The following BABAM1 variants were observed in gnomAD, a reference collection of about 807,000 sequenced individuals.
BABAM1 encodes BRISC and BRCA1-A complex member 1.
Under a neutral mutation model 34.4 loss-of-function variants are expected in BABAM1, and 14 were observed. The observed-to-expected ratio is 0.41, with a 90% confidence interval of 0.27 to 0.64. The LOEUF (loss-of-function observed/expected upper bound fraction) is 0.64, where lower values mean the gene tolerates loss of function less well. Ranked by LOEUF, BABAM1 falls within the 30% of genes least tolerant of loss-of-function variation. BABAM1 has a pLI of 0.34. For synonymous variants in BABAM1, 169 were observed against 165.8 expected, an observed-to-expected ratio of 1.02 and a Z score of -0.15; for missense variants, 393 against 434.0, an observed-to-expected ratio of 0.91 and a Z score of 0.84.
At chr19:17,270,724 G>C (rs151137798) in intron 2 of BABAM1, among the ~76,000 whole-genome samples, 1,526 of 150,336 alleles carry the variant, frequency 0.01, 31 homozygotes, top group African/African-American at 0.036. Flanking sequence ...GTCTCGCTCT[G>C]TCGCCCAGGC....
chr19:17,270,902 G>C (rs2073833198), intron 2 of BABAM1, among the ~76,000 whole-genome samples: 1 of 151,798 alleles, frequency 6.6e-6, no homozygotes, highest in African/African-American at 2.4e-5. Flanking sequence ...CTGTTAGCCA[G>C]GATGGTCTCG....
At position 17,268,816 on chromosome 19, in the gene BABAM1, G is replaced by T; in HGVS notation, c.10G>T (p.Ala4Ser). ...TAGCCACACAGGAGCCATGGAAGTGGCAGAGCCCAGCAGCCCCACTGAAGA... is the reference window on the plus strand; with the variant it reads ...TAGCCACACAGGAGCCATGGAAGTGTCAGAGCCCAGCAGCCCCACTGAAGA... MEV[A>S]EPSSPTEEEE... Residue 4 changes from alanine (A) to serine (S), a missense_variant, in exon 2 of 9, where the codon GCA becomes TCA. Coordinates refer to ENST00000598188, the MANE Select transcript of BABAM1 (RefSeq NM_014173.4). The T allele has an allele frequency of 1.2e-6, 2 of 1,603,476 alleles. No homozygotes were observed. The highest frequency in any genetic ancestry group is 2.7e-5 in the African/African-American group (2 of 74,886).
chr19:17,277,202 C>CT (rs10532887), intron 8 of BABAM1: 454 of 176,934 alleles, frequency 2.6e-3, no homozygotes, highest in East Asian at 0.02. Flanking sequence ...CTTTCTTCTT[C>CT]TTTTTTTTTT....
At chr19:17,275,447 G>T (rs2073897019) in intron 5 of BABAM1, among the ~76,000 whole-genome samples, 1 of 152,042 alleles carries the variant, frequency 6.6e-6, no homozygotes, top group African/African-American at 2.4e-5. Context: ...TGTGCCATCA[G>T]GCCCAGCTAA....
At position 17,274,167 on chromosome 19, in the gene BABAM1, G is replaced by A. The variant is rs1459959881; in HGVS notation, c.526G>A (p.Ala176Thr). 4 of 1,613,206 alleles carry A rather than the reference G, an allele frequency of 2.5e-6. No homozygotes were observed. Among genetic ancestry groups the A allele is most frequent in the Non-Finnish European group, 3.4e-6 (4 of 1,179,876 alleles). ...LCSCLYDLET[A>T]SCSTFNLEGL... ...TAGCTGCCTCTATGATCTGGAGACG[G>A]CCTCCTGTTCCACCTTCAGTATCCT... The change falls in exon 5 of 9, where the codon GCC (alanine) becomes ACC (threonine). Residue 176 changes from alanine (A) to threonine (T), a missense_variant. By Grantham distance (58) the Ala-to-Thr change is moderately conservative (BLOSUM62 0). Transcript: ENST00000598188.
In BABAM1 at chr19:17,274,034, C is replaced by T. The variant is rs371304439; in HGVS notation, c.465+10C>T. 1.7e-5 allele frequency: 28 copies of T among 1,613,846 alleles called. No homozygotes were observed. The highest frequency in any genetic ancestry group is 1.6e-4 in the Middle Eastern group (1 of 6,062). On this transcript the variant is annotated intron_variant, in intron 4 of 8. Coordinates refer to ENST00000598188, the MANE Select transcript of BABAM1 (RefSeq NM_014173.4). ...CGATGACACGGCCTGGGTGAGGCTG[C>T]GGCAGGCGCTGGGTGCCCTGGGGTC...
In BABAM1 at chr19:17,279,252, C is replaced by T. The variant is rs537624893; in HGVS notation, c.*204C>T. The stretch of plus-strand genomic sequence containing the variant: ...CACCCATTTTCTGTGTCTCCCAGCC[C>T]ATTTCCACTCCTAGTTTGTCATGGA... On this transcript the variant is annotated 3_prime_UTR_variant, in exon 9 of 9. Coordinates refer to ENST00000598188, the MANE Select transcript of BABAM1 (RefSeq NM_014173.4). The T allele has an allele frequency of 1.9e-6, 1 of 522,010 alleles. No individual in the cohort carries two copies. The highest frequency in any genetic ancestry group is 3.1e-5 in the East Asian group (1 of 32,716). The allele number at this position is 522,010 out of a possible 1,614,324, so 32.3% of individuals were successfully genotyped here.
intron 1 of BABAM1, among the ~76,000 whole-genome samples, chr19:17,268,124 C>T (rs982043508): frequency 6.6e-6 from 1 of 152,062 alleles, no homozygotes; most frequent in Non-Finnish European, 1.5e-5. Flanking sequence ...CTTGATGACA[C>T]TGCTAGAAGT....
chr19:17,274,330 C>T (rs1295578232), intron 5 of BABAM1, 145 bp downstream of exon 5: 16 of 1,013,974 alleles, frequency 1.6e-5, no homozygotes, highest in Non-Finnish European at 2.3e-5. Flanking sequence ...CCCCTCTGAG[C>T]CTCAGTTTCC....
At chr19:17,278,743 C>A in intron 8 of BABAM1, 102 bp from the exon 9 acceptor site, 1 of 1,177,670 alleles carries the variant, frequency 8.5e-7, no homozygotes, top group Non-Finnish European at 1.2e-6. Flanking sequence ...TAGAACCCAC[C>A]CCAGATGTCC....
rs533984854 is a variant in BABAM1, at chr19:17,269,044, C to G, written c.238C>G (p.Pro80Ala). ...PKSWQVPPPA[P>A]EVQIRTPRVN... ...GTCCTGGCAGGTGCCCCCGCCAGCCCCTGAGGTCCAAATTCGGACACCAAG... is the reference window on the plus strand; with the variant it reads ...GTCCTGGCAGGTGCCCCCGCCAGCCGCTGAGGTCCAAATTCGGACACCAAG... Residue 80 changes from proline (P) to alanine (A), a missense_variant, in exon 2 of 9, where the codon CCT becomes GCT. Coordinates refer to ENST00000598188, the MANE Select transcript of BABAM1 (RefSeq NM_014173.4). 4 of 1,604,068 alleles carry G rather than the reference C, an allele frequency of 2.5e-6. No individual in the cohort carries two copies. Among genetic ancestry groups the G allele is most frequent in the Non-Finnish European group, 3.4e-6 (4 of 1,176,046 alleles).
intron 2 of BABAM1, among the ~76,000 whole-genome samples, chr19:17,271,176 G>T (rs1301565980): frequency 6.6e-6 from 1 of 152,030 alleles, no homozygotes; most frequent in Non-Finnish European, 1.5e-5. Flanking sequence ...TTTTAGCAGA[G>T]ATGGGGTTTC....
intron 2 of BABAM1, among the ~76,000 whole-genome samples, chr19:17,269,846 C>T (rs1042917615): frequency 1.3e-5 from 2 of 151,954 alleles, no homozygotes; most frequent in African/African-American, 4.8e-5. Context: ...TCTCCCGCCT[C>T]AGCCTCCTGA....
At chr19:17,272,191 C>T (rs1381303129) in intron 3 of BABAM1, among the ~76,000 whole-genome samples, 2 of 152,136 alleles carry the variant, frequency 1.3e-5, no homozygotes, top group South Asian at 2.1e-4. Context: ...ATCTGCCTGC[C>T]TTGACCTCCC....
intron 3 of BABAM1, 74 bp downstream of exon 3, chr19:17,271,729 C>T (rs1049394632): frequency 6.0e-6 from 9 of 1,498,958 alleles, no homozygotes; most frequent in South Asian, 2.3e-5. Context: ...ACGGGGCTCT[C>T]ACTCTGAAAC....
intron 6 of BABAM1, 122 bp downstream of exon 6, chr19:17,275,947 C>A: frequency 8.9e-7 from 1 of 1,127,122 alleles, no homozygotes; most frequent in Non-Finnish European, 1.3e-6. Flanking sequence ...TCCTACCTCG[C>A]CCCGAGCAAT....
chr19:17,272,935 T>C (rs1164801998), intron 3 of BABAM1, among the ~76,000 whole-genome samples: 1 of 151,922 alleles, frequency 6.6e-6, no homozygotes, highest in Non-Finnish European at 1.5e-5. Context: ...GGAGAATCGT[T>C]TGAATCTGGG....
chr19:17,277,196 C>A, intron 8 of BABAM1: 2 of 263,888 alleles, frequency 7.6e-6, no homozygotes, highest in Non-Finnish European at 6.7e-6. Context: ...GCTTTTCTTT[C>A]TTCTTCTTTT....
Position 17,278,937 on chromosome 19 carries a change from C to T in BABAM1, c.879C>T (p.Asn293=). ...ALAGPALELH[N]CMAKLLAHPL... The stretch of plus-strand genomic sequence containing the variant: ...CTGGGCCAGCCCTGGAGTTGCACAA[C>T]TGCATGGCGAAACTGTTGGCCCACC... Residue 293 remains asparagine, a synonymous_variant, in exon 9 of 9, where the codon AAC becomes AAT. Transcript: ENST00000598188. The T allele has an allele frequency of 6.2e-7, 1 of 1,613,366 alleles. No homozygotes were observed. The highest frequency in any genetic ancestry group is 8.5e-7 in the Non-Finnish European group (1 of 1,179,730).
Sources: gnomAD v4.1 joint callset for allele counts (sites outside exome capture counted in the v4.1 genomes callset) on GRCh38, gnomAD v4.1.1 for gene constraint, MANE v1.5 for transcripts, NCBI Gene and HGNC (gene_info 2026-07-23, HGNC 2026-07-21) for gene names.